FAM13B: variants seen among roughly 807,000 people sequenced by gnomAD.
FAM13B encodes protein FAM13B.
In FAM13B, 60 loss-of-function variants were observed where a neutral mutation model predicts 117.3. The ratio of observed to expected loss-of-function variants is 0.51; its 90% CI spans 0.42 to 0.63. The LOEUF (loss-of-function observed/expected upper bound fraction) is 0.63, where lower values mean the gene tolerates loss of function less well. Ranked by LOEUF, FAM13B falls within the 30% of genes least tolerant of loss-of-function variation. FAM13B has a pLI of 0.00. For synonymous variants in FAM13B, 332 were observed against 356.1 expected (o/e 0.93, Z 0.76); for missense variants, 972 against 1,091.9 (o/e 0.89, Z 1.55).
chr5:137,938,297 T>C lies in FAM13B; in HGVS notation c.*1928A>G, dbSNP rs1760730156. 1 of 152,648 alleles carries C rather than the reference T, an allele frequency of 6.6e-6. No individual in the cohort carries two copies. Among genetic ancestry groups the C allele is most frequent in the Non-Finnish European group, 1.5e-5 (1 of 68,040 alleles). The allele number at this position is 152,648 out of a possible 1,614,324, so 9.5% of individuals were successfully genotyped here. On this transcript the variant is annotated 3_prime_UTR_variant, in exon 24 of 24. Coordinates refer to ENST00000689681, the MANE Select transcript of FAM13B (RefSeq NM_001385994.1). Reference sequence around the variant, plus strand: ...GACTTATAAAAATATGGTACTCATATAGATTTAGCATTATAAAGAAGGAAT... The same window carrying C: ...GACTTATAAAAATATGGTACTCATACAGATTTAGCATTATAAAGAAGGAAT...
intron 1 of FAM13B, 112 bp downstream of exon 1, chr5:138,032,670 C>T: frequency 1.0e-6 from 1 of 960,478 alleles, no homozygotes; most frequent in Non-Finnish European, 1.2e-6. Context: ...AAACGCAACG[C>T]CCGAGAGCAG....
chr5:138,032,591 CCT>C (rs1263843601), intron 1 of FAM13B, among the ~76,000 whole-genome samples, 189 bp downstream of exon 1: 1 of 152,226 alleles, frequency 6.6e-6, no homozygotes, highest in African/African-American at 2.4e-5. Context: ...GCTTCATCTT[CCT>C]CTTTCTCCAG....
chr5:138,013,208 GA>G (rs1393431684), intron 4 of FAM13B, among the ~76,000 whole-genome samples: 43 of 84,104 alleles, frequency 5.1e-4, no homozygotes, highest in African/African-American at 6.0e-4. Flanking sequence ...GTCTCAAAAA[GA>G]AAAAAAAAAA....
intron 7 of FAM13B, among the ~76,000 whole-genome samples, chr5:137,997,946 T>C (rs1780262084): frequency 6.6e-6 from 1 of 152,200 alleles, no homozygotes. Flanking sequence ...CCTACATAAG[T>C]GAACTGAAAC....
chr5:137,976,863 A>G (rs1054488928), intron 10 of FAM13B, among the ~76,000 whole-genome samples: 4 of 152,176 alleles, frequency 2.6e-5, no homozygotes, highest in African/African-American at 9.7e-5. Flanking sequence ...CAAATTGTAG[A>G]GCAAGTGTGT....
intron 10 of FAM13B, among the ~76,000 whole-genome samples, chr5:137,980,424 A>C (rs1288259467): frequency 6.7e-6 from 1 of 148,740 alleles, no homozygotes; most frequent in African/African-American, 2.5e-5. Context: ...TTATAAAGTA[A>C]TTGATACACT....
In FAM13B at chr5:137,954,287, G is replaced by T. The variant is rs765310661; in HGVS notation, c.1597C>A (p.Pro533Thr). 6.2e-7 allele frequency: 1 copy of T among 1,613,918 alleles called. No homozygotes were observed. Among genetic ancestry groups the T allele is most frequent in the East Asian group, 2.2e-5 (1 of 44,856 alleles). The change falls in exon 15 of 24, where the codon CCC (proline) becomes ACC (threonine). Residue 533 changes from proline to threonine, a missense_variant. Coordinates refer to ENST00000689681, the MANE Select transcript of FAM13B (RefSeq NM_001385994.1). The part of the protein sequence containing the change: ...SPQAGRMNHH[P>T]LEEDCPPVLS... ...ACTGGAGGACAGTCCTCTTCCAAGG[G>T]GTGATGATTCATTCTTCCAGCTTGT... is the stretch of plus-strand genomic sequence containing the variant.
chr5:137,942,972 C>A lies in FAM13B; in HGVS notation c.2491G>T (p.Val831Leu). 6.2e-7 allele frequency: 1 copy of A among 1,613,396 alleles called. No homozygotes were observed. The highest frequency in any genetic ancestry group is 8.5e-7 in the Non-Finnish European group (1 of 1,179,604). ...TCAGAGTTTTCTAATGAAGACTGTA[C>A]CTGTACTGCAGTTTTCAACATATCA... is the stretch of plus-strand genomic sequence containing the variant. ...LGDMLKTAVQVQSSLENSESD... is the reference protein window; with the variant it reads ...LGDMLKTAVQLQSSLENSESD... The change falls in exon 22 of 24, where the codon GTA (valine) becomes TTA (leucine). Residue 831 changes from valine to leucine, a missense_variant. Physicochemically the swap from Val to Leu is conservative, Grantham distance 32. Transcript: ENST00000689681.
intron 1 of FAM13B, among the ~76,000 whole-genome samples, chr5:138,040,133 G>A (rs908017301): frequency 3.9e-5 from 6 of 151,930 alleles, no homozygotes; most frequent in South Asian, 2.1e-4. Context: ...GCGTAGTGGC[G>A]CATGCCTGTA....
chr5:137,949,284 GCA>G, intron 17 of FAM13B, 100 bp from the exon 18 acceptor site: 2 of 842,894 alleles, frequency 2.4e-6, no homozygotes, highest in Non-Finnish European at 3.9e-6. Flanking sequence ...TACATTAACA[GCA>G]CACAGACTTA....
chr5:138,034,761 T>A (rs1374899567), upstream of FAM13B, among the ~76,000 whole-genome samples: 1 of 152,134 alleles, frequency 6.6e-6, no homozygotes, highest in African/African-American at 2.4e-5. Flanking sequence ...ATATCTTAAA[T>A]GAAAGCTTTA....
In FAM13B at chr5:137,970,152, T is replaced by A. The variant is rs527576431; in HGVS notation, c.1180-7683A>T. 6.6e-5 allele frequency among the ~76,000 whole-genome samples: 10 copies of A among 151,616 alleles called. No homozygotes were observed. In the East Asian group the frequency reaches 1.9e-3, roughly 29 times the overall value. On this transcript the variant is annotated intron_variant, in intron 10 of 23. Transcript: ENST00000689681. Reference sequence around the variant, plus strand: ...TCGAGAAGAGCAACACCAAGACACATAATTGTCAGATTCACCAAAGTTGAA... The same window carrying A: ...TCGAGAAGAGCAACACCAAGACACAAAATTGTCAGATTCACCAAAGTTGAA...
chr5:137,955,876 C>T (rs961065967), intron 14 of FAM13B, among the ~76,000 whole-genome samples: 2 of 152,186 alleles, frequency 1.3e-5, no homozygotes, highest in South Asian at 2.1e-4. Context: ...AAGTGATCCG[C>T]CTGCCTCGGC....
At chr5:137,947,836 C>T (rs1045055611) in intron 18 of FAM13B, among the ~76,000 whole-genome samples, 4 of 152,200 alleles carry the variant, frequency 2.6e-5, no homozygotes, top group Non-Finnish European at 4.4e-5. Flanking sequence ...CCACCCACCT[C>T]GGCCTCCCAA....
At chr5:138,038,045 C>T (rs758224800), upstream of FAM13B, among the ~76,000 whole-genome samples, 3 of 152,200 alleles carry the variant, frequency 2.0e-5, no homozygotes, top group Admixed American at 6.5e-5. Flanking sequence ...GTTCCCTCTC[C>T]TATACTGCAT....
At chr5:138,020,972 A>G in intron 2 of FAM13B, 59 bp downstream of exon 2, 6 of 1,161,702 alleles carry the variant, frequency 5.2e-6, no homozygotes, top group Non-Finnish European at 5.4e-6. Flanking sequence ...TACAGGGGCA[A>G]GTTCCAAAAT....
intron 7 of FAM13B, among the ~76,000 whole-genome samples, chr5:137,999,447 G>A (rs1210254096): frequency 4.6e-5 from 7 of 151,952 alleles, no homozygotes; most frequent in Non-Finnish European, 8.8e-5. Context: ...GTGGTGGCAC[G>A]CACCTGTAGT....
chr5:137,960,292 T>C, intron 11 of FAM13B, 78 bp from the exon 12 acceptor site: 1 of 800,142 alleles, frequency 1.2e-6, no homozygotes. Context: ...CCTAGATTCC[T>C]CTACTCCATA....
Position 137,938,062 on chromosome 5 carries a change from A to G in FAM13B, c.*2163T>C, listed in dbSNP as rs1279105756. 1 of 152,182 alleles carries G rather than the reference A, an allele frequency of 6.6e-6. No homozygotes were observed. The highest frequency in any genetic ancestry group is 1.5e-5 in the Non-Finnish European group (1 of 68,032). 9.4% of individuals were successfully genotyped at this position (152,182 alleles called of 1,614,324 possible). Reference sequence around the variant, plus strand: ...ACATATATATCTATATATTATTTGTATATAGATATACAGTTTTTATTTGTA... The same window carrying G: ...ACATATATATCTATATATTATTTGTGTATAGATATACAGTTTTTATTTGTA... On this transcript the variant is annotated 3_prime_UTR_variant, in exon 24 of 24. Coordinates refer to ENST00000689681, the MANE Select transcript of FAM13B (RefSeq NM_001385994.1).
Sources: gnomAD v4.1 joint callset for allele counts (sites outside exome capture counted in the v4.1 genomes callset) on GRCh38, gnomAD v4.1.1 for gene constraint, MANE v1.5 for transcripts, NCBI Gene and HGNC (gene_info 2026-07-23, HGNC 2026-07-21) for gene names.